Variants in NUDT5 observed in about 807,000 individuals in gnomAD.
NUDT5 encodes the protein ADP-sugar pyrophosphatase.
In NUDT5, 21 loss-of-function variants were observed where a neutral mutation model predicts 34.1. That is an observed-to-expected ratio of 0.62 (90% CI 0.44 to 0.89). NUDT5 has a LOEUF of 0.89. NUDT5 is among the 40% of genes least tolerant of loss of function. The probability of loss-of-function intolerance (pLI) is 0.00; values close to 1 mark genes in which losing one functional copy is unlikely to be tolerated. For missense variants in NUDT5, 249 were observed against 274.8 expected (o/e 0.91, Z 0.66); for synonymous variants, 85 against 97.6 (o/e 0.87, Z 0.76).
rs534059339 is a variant in NUDT5, at chr10:12,185,404, C to T, written c.64-448G>A. Among the ~76,000 whole-genome samples the T allele has an allele frequency of 2.0e-5, 3 of 152,242 alleles. No individual in the cohort carries two copies. In the South Asian group the frequency reaches 6.2e-4, roughly 32 times the overall value. On this transcript the variant is annotated intron_variant, in intron 2 of 9. Coordinates refer to ENST00000491614, the MANE Select transcript of NUDT5 (RefSeq NM_014142.4). ...TCCTGTCAGTGATGACACAGGAAGG[C>T]GGACTGTGGGGAAACAGGGTCCATC... is the stretch of plus-strand genomic sequence containing the variant.
chr10:12,195,230 G>A (rs1015630192), intron 1 of NUDT5, among the ~76,000 whole-genome samples: 1 of 152,152 alleles, frequency 6.6e-6, no homozygotes, highest in Non-Finnish European at 1.5e-5. Flanking sequence ...ACTTTGCTGG[G>A]TGACAGGAGT....
In NUDT5 at chr10:12,181,798, G is replaced by A. The variant is rs184126958; in HGVS notation, c.132-2666C>T. On this transcript the variant is annotated intron_variant, in intron 3 of 9. Coordinates refer to ENST00000491614, the MANE Select transcript of NUDT5 (RefSeq NM_014142.4). This position sits in a 1 kb window ranked among gnomAD's most constrained non-coding sequence, Gnocchi z 5.0. ...GTTCGAGACCAGCCTGGGCAACATA[G>A]TGAGACTCTGTCTCTACTAAAAAAA... 3.6e-3 allele frequency among the ~76,000 whole-genome samples: 545 copies of A among 151,872 alleles called. No individual in the cohort carries two copies. The highest frequency in any genetic ancestry group is 6.0e-3 in the Non-Finnish European group (405 of 67,958).
At position 12,179,141 on chromosome 10, in the gene NUDT5, G is replaced by T; in HGVS notation, c.132-9C>A. On this transcript the variant is annotated splice_polypyrimidine_tract_variant and intron_variant, in intron 3 of 9. Transcript: ENST00000491614. Reference sequence around the variant, plus strand: ...TCACTGATTCCCAAGTTCTGTTCAGGCAGAGAAGAAAAAAAAGTCATTAGT... The same window carrying T: ...TCACTGATTCCCAAGTTCTGTTCAGTCAGAGAAGAAAAAAAAGTCATTAGT... 6.2e-7 allele frequency: 1 copy of T among 1,611,590 alleles called. No individual in the cohort carries two copies. The highest frequency in any genetic ancestry group is 8.5e-7 in the Non-Finnish European group (1 of 1,179,120).
intron 1 of NUDT5, among the ~76,000 whole-genome samples, chr10:12,192,302 C>T (rs61848317): frequency 8.0e-6 from 1 of 124,500 alleles, no homozygotes; most frequent in Non-Finnish European, 1.8e-5. Flanking sequence ...GACTCTGTCT[C>T]CAAAAAAAAA....
chr10:12,193,883 T>C (rs934888315), intron 1 of NUDT5, among the ~76,000 whole-genome samples: 44 of 151,256 alleles, frequency 2.9e-4, no homozygotes, highest in Non-Finnish European at 3.5e-4. Context: ...TTTTTTTTTT[T>C]CCCGAGACGG....
chr10:12,190,606 CTTTTTTTTTT>C (rs1013405393), intron 1 of NUDT5, among the ~76,000 whole-genome samples: 2 of 127,958 alleles, frequency 1.6e-5, no homozygotes, highest in Admixed American at 7.9e-5. Context: ...ATGATAAAGC[CTTTTTTTTTT>C]TTTTTTTTTT....
chr10:12,191,747 A>C (rs1835234547), intron 1 of NUDT5, among the ~76,000 whole-genome samples: 1 of 152,180 alleles, frequency 6.6e-6, no homozygotes, highest in South Asian at 2.1e-4. Context: ...ACACCAAAAT[A>C]AACTAATTTT....
chr10:12,191,301 T>C (rs750858314), intron 1 of NUDT5, among the ~76,000 whole-genome samples: 16 of 152,038 alleles, frequency 1.1e-4, no homozygotes, highest in Non-Finnish European at 1.6e-4. Context: ...GAGAATGGCA[T>C]GAACCCGGGA....
Position 12,170,403 on chromosome 10 carries a change from G to A in NUDT5, c.550+314C>T, listed in dbSNP as rs1247154609. On this transcript the variant is annotated intron_variant, in intron 9 of 9. Transcript: ENST00000491614. This position sits in a 1 kb window ranked among gnomAD's most constrained non-coding sequence, Gnocchi z 4.9. ...GCTTATCTACCCACACCTTTGCATTGCTATGGACTGAAGGTTTAAAGTGTA... is the reference window on the plus strand; with the variant it reads ...GCTTATCTACCCACACCTTTGCATTACTATGGACTGAAGGTTTAAAGTGTA... 3.2e-6 allele frequency: 2 copies of A among 623,790 alleles called. No individual in the cohort carries two copies. The highest frequency in any genetic ancestry group is 5.6e-6 in the Non-Finnish European group (2 of 357,356). 38.6% of individuals were successfully genotyped at this position (623,790 alleles called of 1,614,324 possible). A position where few individuals can be genotyped will look rare whatever the true frequency, so the allele number is the denominator to read the frequency against.
chr10:12,172,937 G>A (rs1834884122), intron 6 of NUDT5, 71 bp from the exon 7 acceptor site: 2 of 1,101,002 alleles, frequency 1.8e-6, no homozygotes, highest in African/African-American at 1.5e-5. Flanking sequence ...TTAGGAAGAA[G>A]ATGCGTCCCG....
chr10:12,193,781 A>C (rs900280111), intron 1 of NUDT5, among the ~76,000 whole-genome samples: 1 of 152,182 alleles, frequency 6.6e-6, no homozygotes, highest in Non-Finnish European at 1.5e-5. Context: ...TGTAGTATCT[A>C]TATATTTAAG....
Position 12,173,809 on chromosome 10 carries a change from G to GAGAC in NUDT5, c.290_293dup (p.Ile99SerfsTer4), listed in dbSNP as rs1834901789. On this transcript the variant is annotated frameshift_variant, in exon 6 of 10. Coordinates refer to ENST00000491614, the MANE Select transcript of NUDT5 (RefSeq NM_014142.4). LOFTEE classifies it high-confidence loss of function. The surrounding 1 kb of genome is among the most constrained non-coding windows in gnomAD (Gnocchi z 4.7). ...CTTCTGGGGTTTCACCATCATCTATGAGACCTGCAAGTCCAAATCATTGGT... is the reference window on the plus strand; with the variant it reads ...CTTCTGGGGTTTCACCATCATCTATGAGACAGACCTGCAAGTCCAAATCATTGGT... 2 of 1,611,660 alleles carry GAGAC rather than the reference G, an allele frequency of 1.2e-6. No individual in the cohort carries two copies. The highest frequency in any genetic ancestry group is 1.7e-6 in the Non-Finnish European group (2 of 1,178,128).
rs1348960058 is a variant in NUDT5, at chr10:12,168,848, C to T, written c.551-1037G>A. 5.3e-5 allele frequency among the ~76,000 whole-genome samples: 8 copies of T among 151,910 alleles called. No homozygotes were observed. Among genetic ancestry groups the T allele is most frequent in the South Asian group, 2.1e-4 (1 of 4,814 alleles). On this transcript the variant is annotated intron_variant, in intron 9 of 9. Transcript: ENST00000491614. This position sits in a 1 kb window ranked among gnomAD's most constrained non-coding sequence, Gnocchi z 4.8. ...CACGATCTTGGCTCACTGCAACCTG[C>T]GCCTCCCGGGTTCAAGCGATTCTCC...
chr10:12,174,102 A>G (rs928689251), intron 5 of NUDT5, among the ~76,000 whole-genome samples: 5 of 151,912 alleles, frequency 3.3e-5, no homozygotes, highest in Admixed American at 2.0e-4. Context: ...TCTTGATCTC[A>G]TGATCCACCC....
rs1046548942 is a variant in NUDT5 at position 12,182,260 on chromosome 10, G to C, written c.131+2629C>G. On this transcript the variant is annotated intron_variant, in intron 3 of 9. Transcript: ENST00000491614. The surrounding 1 kb of genome is among the most constrained non-coding windows in gnomAD (Gnocchi z 4.3). ...CAGCCTGTCACACAGAGTCAGGTGT[G>C]GAATTCTCCAGCTGGGGCATCATGT... Among the ~76,000 whole-genome samples the C allele has an allele frequency of 6.6e-6, 1 of 152,186 alleles. No homozygotes were observed. The highest frequency in any genetic ancestry group is 1.5e-5 in the Non-Finnish European group (1 of 68,034).
rs997204359 is a variant in NUDT5 at position 12,175,644 on chromosome 10, A to G, written c.290-1831T>C. 2.0e-5 allele frequency among the ~76,000 whole-genome samples: 3 copies of G among 152,102 alleles called. No individual in the cohort carries two copies. The highest frequency in any genetic ancestry group is 1.5e-5 in the Non-Finnish European group (1 of 68,020). ...GCAACAGAGCTAGACATAGTCTCAAAAAAAGAGCCCGGGCATGGCGGCTCA... is the reference window on the plus strand; with the variant it reads ...GCAACAGAGCTAGACATAGTCTCAAGAAAAGAGCCCGGGCATGGCGGCTCA... On this transcript the variant is annotated intron_variant, in intron 5 of 9. Transcript: ENST00000491614. The surrounding 1 kb of genome is among the most constrained non-coding windows in gnomAD (Gnocchi z 4.8).
At chr10:12,192,867 A>G (rs546247653) in intron 1 of NUDT5, among the ~76,000 whole-genome samples, 27 of 152,220 alleles carry the variant, frequency 1.8e-4, no homozygotes, top group African/African-American at 5.8e-4. Context: ...AAAAAAAAGG[A>G]TAATATTCTG....
chr10:12,169,399 G>A lies in NUDT5; in HGVS notation c.550+1318C>T. 2 of 1,004,526 alleles carry A rather than the reference G, an allele frequency of 2.0e-6. No homozygotes were observed. Among genetic ancestry groups the A allele is most frequent in the East Asian group, 2.7e-5 (1 of 36,502 alleles). 62.2% of individuals were successfully genotyped at this position (1,004,526 alleles called of 1,614,324 possible). On this transcript the variant is annotated intron_variant, in intron 9 of 9. Coordinates refer to ENST00000491614, the MANE Select transcript of NUDT5 (RefSeq NM_014142.4). The surrounding 1 kb of genome is among the most constrained non-coding windows in gnomAD (Gnocchi z 4.8). ...TTCCACGCACCTCCTCAGAGGGAGGGGCTGTTATTGTTCCTGTTTTATGAA... is the reference window on the plus strand; with the variant it reads ...TTCCACGCACCTCCTCAGAGGGAGGAGCTGTTATTGTTCCTGTTTTATGAA...
chr10:12,179,173 G>C, intron 3 of NUDT5, 41 bp from the exon 4 acceptor site: 1 of 1,564,868 alleles, frequency 6.4e-7, no homozygotes, highest in South Asian at 1.1e-5. Flanking sequence ...TAGTGCTACA[G>C]AAGAGAATTT....
Sources: gnomAD v4.1 joint callset for allele counts (sites outside exome capture counted in the v4.1 genomes callset) on GRCh38, gnomAD v4.1.1 for gene constraint, Gnocchi (gnomAD v3.1) non-coding constraint, MANE v1.5 for transcripts, NCBI Gene and HGNC (gene_info 2026-07-23, HGNC 2026-07-21) for gene names.